Variants in AUTS2 observed in about 807,000 individuals in gnomAD.
AUTS2 encodes the protein autism susceptibility gene 2 protein.
AUTS2 carries 17 observed loss-of-function variants against 112.4 expected under a neutral mutation model. The ratio of observed to expected loss-of-function variants is 0.15; its 90% CI spans 0.10 to 0.23. The LOEUF is 0.23. Among genes scored for constraint, AUTS2 ranks in the 10% least tolerant of loss-of-function variants. The pLI is 1.00. For missense variants in AUTS2, 1,510 were observed against 1,701.6 expected, an observed-to-expected ratio of 0.89 and a Z score of 1.98; for synonymous variants, 751 against 702.7, an observed-to-expected ratio of 1.07 and a Z score of -1.09.
intron 2 of AUTS2, among the ~76,000 whole-genome samples, chr7:69,997,664 T>A (rs958397004): frequency 6.6e-6 from 1 of 152,104 alleles, no homozygotes; most frequent in African/African-American, 2.4e-5. Flanking sequence ...GATGCCAGGC[T>A]CTTTTAAACA....
chr7:70,385,157 G>A lies in AUTS2; in HGVS notation c.661-50595G>A, dbSNP rs552423885. 7.2e-5 allele frequency among the ~76,000 whole-genome samples: 11 copies of A among 152,214 alleles called. No homozygotes were observed. The East Asian group carries it at 1.4e-3, about 19-fold the overall frequency. ...AGACTCTCACAAGATGCACCTCACCGCACATAATCATCTGTTGCTTTCTGC... is the reference window on the plus strand; with the variant it reads ...AGACTCTCACAAGATGCACCTCACCACACATAATCATCTGTTGCTTTCTGC... On this transcript the variant is annotated intron_variant, in intron 4 of 18. Coordinates refer to ENST00000342771, the MANE Select transcript of AUTS2 (RefSeq NM_015570.4).
At chr7:70,785,856 A>G (rs1791425568) in intron 16 of AUTS2, 99 bp from the exon 17 acceptor site, 4 of 1,107,594 alleles carry the variant, frequency 3.6e-6, no homozygotes, top group Non-Finnish European at 5.4e-6. Flanking sequence ...GGGGGCGTAG[A>G]GAGGGCAGGG....
intron 5 of AUTS2, among the ~76,000 whole-genome samples, chr7:70,666,667 T>A (rs1378791153): frequency 6.6e-6 from 1 of 152,140 alleles, no homozygotes; most frequent in Non-Finnish European, 1.5e-5. Flanking sequence ...TTTTTATATA[T>A]GTCTGGGTGT....
At chr7:70,438,857 G>A (rs888745647) in intron 5 of AUTS2, among the ~76,000 whole-genome samples, 1 of 152,208 alleles carries the variant, frequency 6.6e-6, no homozygotes, top group Non-Finnish European at 1.5e-5. Flanking sequence ...AGCCCCACCA[G>A]GGATGCTGTT....
intron 1 of AUTS2, among the ~76,000 whole-genome samples, chr7:69,806,208 T>A (rs1008828645): frequency 2.1e-5 from 3 of 139,640 alleles, no homozygotes; most frequent in African/African-American, 8.4e-5. Context: ...TTTTTTTTTT[T>A]TTTTTTTTTT....
At chr7:70,122,844 T>A (rs1360781766) in intron 3 of AUTS2, among the ~76,000 whole-genome samples, 1 of 150,364 alleles carries the variant, frequency 6.7e-6, no homozygotes, top group Non-Finnish European at 1.5e-5. Flanking sequence ...TATGGCAATC[T>A]GAAATCTGCT....
intron 1 of AUTS2, among the ~76,000 whole-genome samples, chr7:69,894,475 C>A (rs1794663112): frequency 6.6e-6 from 1 of 151,908 alleles, no homozygotes; most frequent in Non-Finnish European, 1.5e-5. Flanking sequence ...AAAGTGAAGA[C>A]CCAAAAAGTG....
At position 70,147,253 on chromosome 7, in the gene AUTS2, T is replaced by C. The variant is rs183254960; in HGVS notation, c.660+12682T>C. Among the ~76,000 whole-genome samples, 4 of 152,092 alleles carry C rather than the reference T, an allele frequency of 2.6e-5. No homozygotes were observed. In the East Asian group the frequency reaches 7.7e-4, roughly 29 times the overall value. On this transcript the variant is annotated intron_variant, in intron 4 of 18. Transcript: ENST00000342771. The stretch of plus-strand genomic sequence containing the variant: ...AAAAAAAGTAAAATCATGACTCTCA[T>C]ACATTATACAATCTACATGTTTAAA...
intron 2 of AUTS2, among the ~76,000 whole-genome samples, chr7:70,090,076 C>A (rs1803832535): frequency 2.0e-5 from 3 of 150,168 alleles, no homozygotes; most frequent in Admixed American, 6.6e-5. Context: ...AAATAGAAAT[C>A]AATTATTTTT....
intron 5 of AUTS2, among the ~76,000 whole-genome samples, chr7:70,526,872 C>T (rs893712223): frequency 5.9e-5 from 9 of 152,240 alleles, no homozygotes; most frequent in African/African-American, 2.2e-4. Flanking sequence ...GTCTTAGTCA[C>T]ACTTGCTTCC....
At chr7:69,822,663 A>C (rs1043088790) in intron 1 of AUTS2, among the ~76,000 whole-genome samples, 3 of 152,208 alleles carry the variant, frequency 2.0e-5, no homozygotes, top group Non-Finnish European at 4.4e-5. Context: ...ACTGTATCTC[A>C]AAGAGTTTAA....
At chr7:70,168,536 G>A (rs556948814) in intron 4 of AUTS2, among the ~76,000 whole-genome samples, 12 of 152,230 alleles carry the variant, frequency 7.9e-5, no homozygotes, top group African/African-American at 1.9e-4. Flanking sequence ...GGTTGGTCTT[G>A]TACTCCTGAA....
chr7:69,841,095 G>A (rs1412208168), intron 1 of AUTS2, among the ~76,000 whole-genome samples: 1 of 152,180 alleles, frequency 6.6e-6, no homozygotes, highest in Non-Finnish European at 1.5e-5. Context: ...GGAGCTTCCT[G>A]ATGTGACGAA....
chr7:69,674,910 A>T (rs1278426519), intron 1 of AUTS2, among the ~76,000 whole-genome samples: 1 of 152,208 alleles, frequency 6.6e-6, no homozygotes, highest in African/African-American at 2.4e-5. Flanking sequence ...ACAGATTCCG[A>T]AGTGTGTGCA....
rs1792054489 is a variant in AUTS2 at position 70,792,746 on chromosome 7, A to AT, written c.*1751dup. On this transcript the variant is annotated 3_prime_UTR_variant, in exon 19 of 19. Coordinates refer to ENST00000342771, the MANE Select transcript of AUTS2 (RefSeq NM_015570.4). ...CTTTTTGCTGTTTATCCTGTATGTAATAAAGTCCTTTCTAGATCCTATGTG... is the reference window on the plus strand; with the variant it reads ...CTTTTTGCTGTTTATCCTGTATGTAATTAAAGTCCTTTCTAGATCCTATGTG... The AT allele has an allele frequency of 1.3e-5, 2 of 152,672 alleles. No homozygotes were observed. The highest frequency in any genetic ancestry group is 4.1e-4 in the South Asian group (2 of 4,826). The allele number at this position is 152,672 out of a possible 1,614,324, so 9.5% of individuals were successfully genotyped here. A position where few individuals can be genotyped will look rare whatever the true frequency, so the allele number is the denominator to read the frequency against.
intron 2 of AUTS2, among the ~76,000 whole-genome samples, chr7:69,924,100 A>G (rs1338310900): frequency 1.3e-5 from 2 of 152,156 alleles, no homozygotes; most frequent in Non-Finnish European, 1.5e-5. Flanking sequence ...GCCCTTTATT[A>G]GGTTGAGAAT....
At chr7:69,682,428 G>A (rs1244011191) in intron 1 of AUTS2, among the ~76,000 whole-genome samples, 4 of 151,328 alleles carry the variant, frequency 2.6e-5, no homozygotes, top group Non-Finnish European at 5.9e-5. Context: ...TGACCTCTTT[G>A]CCCATTTATA....
chr7:69,712,025 C>G (rs1798350055), intron 1 of AUTS2, among the ~76,000 whole-genome samples: 1 of 152,158 alleles, frequency 6.6e-6, no homozygotes, highest in African/African-American at 2.4e-5. Flanking sequence ...GTCCTTTCCT[C>G]CATAAGCCAT....
intron 2 of AUTS2, among the ~76,000 whole-genome samples, chr7:70,072,692 G>T (rs1802831796): frequency 6.6e-6 from 1 of 152,172 alleles, no homozygotes. Context: ...TTGGCCTCCT[G>T]TTGGACACTG....
Sources: gnomAD v4.1 joint callset for allele counts (sites outside exome capture counted in the v4.1 genomes callset) on GRCh38, gnomAD v4.1.1 for gene constraint, MANE v1.5 for transcripts, NCBI Gene and HGNC (gene_info 2026-07-23, HGNC 2026-07-21) for gene names.